Variants in MIA2 observed in about 807,000 individuals in gnomAD.
MIA2 encodes melanoma inhibitory activity protein 2.
In MIA2, 127 loss-of-function variants were observed where a neutral mutation model predicts 167.8. The observed-to-expected ratio is 0.76, with a 90% CI of 0.66 to 0.88. MIA2 has a LOEUF of 0.88. MIA2 is among the 40% of genes least tolerant of loss of function. The probability of loss-of-function intolerance (pLI) is 0.00; values close to 1 mark genes in which losing one functional copy is unlikely to be tolerated. For missense variants in MIA2, 1,690 were observed against 1,624.7 expected, an observed-to-expected ratio of 1.04 and a Z score of -0.69; for synonymous variants, 552 against 541.9, an observed-to-expected ratio of 1.02 and a Z score of -0.26.
At chr14:39,267,268 G>A in intron 6 of MIA2, 1 of 1,426,682 alleles carries the variant, frequency 7.0e-7, no homozygotes, top group African/African-American at 1.4e-5. Context: ...GGTCGGGATG[G>A]GCAGCGTAGG....
chr14:39,313,465 T>C, intron 19 of MIA2, 24 bp downstream of exon 19: 1 of 1,380,644 alleles, frequency 7.2e-7, no homozygotes, highest in Non-Finnish European at 9.9e-7. Context: ...TTTTCTGGTT[T>C]CTTTTTTGGA....
intron 23 of MIA2, among the ~76,000 whole-genome samples, chr14:39,382,662 A>G (rs1046125280): frequency 1.3e-5 from 2 of 152,222 alleles, no homozygotes; most frequent in African/African-American, 4.8e-5. Flanking sequence ...AGGTGAACAT[A>G]GAGTGGAGAT....
intron 2 of MIA2, 107 bp downstream of exon 2, chr14:39,237,162 C>T (rs762850407): frequency 1.6e-6 from 2 of 1,286,660 alleles, no homozygotes; most frequent in South Asian, 1.3e-5. Context: ...GCTCTGTCGC[C>T]CAGGCTGGAA....
intron 23 of MIA2, among the ~76,000 whole-genome samples, chr14:39,365,660 T>TATCTATC (rs2074806077): frequency 5.8e-5 from 2 of 34,192 alleles, no homozygotes; most frequent in South Asian, 1.3e-3. Context: ...CCTATCTATC[T>TATCTATC]ATCTATCTAT....
At chr14:39,359,800 A>T (rs1388782015) in intron 23 of MIA2, among the ~76,000 whole-genome samples, 4 of 152,200 alleles carry the variant, frequency 2.6e-5, no homozygotes, top group Admixed American at 2.6e-4. Flanking sequence ...ACACAAGTGC[A>T]GGCCTTCCTT....
chr14:39,352,783 A>G (rs1322980763), downstream of MIA2, among the ~76,000 whole-genome samples: 2 of 152,212 alleles, frequency 1.3e-5, no homozygotes, highest in Non-Finnish European at 2.9e-5. Context: ...TGTTGTACAC[A>G]GAATGATATT....
chr14:39,348,885 TC>T lies in MIA2; in HGVS notation c.3986del (p.Pro1329HisfsTer30), dbSNP rs780386330. The part of the protein sequence containing the change: ...RGPFLRRGPP[F>X]PPPPPGAMFG... ...CCATTCTTGAGAAGAGGACCTCCTT[TC>T]CCCCCACCTCCTCCAGGAGCCATGT... On this transcript the variant is annotated frameshift_variant, in exon 28 of 29. Transcript: ENST00000640607. LOFTEE classifies it high-confidence loss of function. 5.6e-6 allele frequency: 9 copies of T among 1,613,808 alleles called. No individual in the cohort carries two copies. The highest frequency in any genetic ancestry group is 5.3e-5 in the African/African-American group (4 of 74,838).
In MIA2 at chr14:39,282,516, A is replaced by G. The variant is rs573574475; in HGVS notation, c.2130+2979A>G. On this transcript the variant is annotated intron_variant, in intron 9 of 28. Coordinates refer to ENST00000640607, the MANE Select transcript of MIA2 (RefSeq NM_001329214.4). ...ACAAAAATCATGAATGCAGTACACT[A>G]TTATTAACTATGGATCTCATGTTGT... is the stretch of plus-strand genomic sequence containing the variant. Among the ~76,000 whole-genome samples the G allele has an allele frequency of 4.6e-5, 7 of 152,248 alleles. No individual in the cohort carries two copies. The East Asian group carries it at 5.8e-4, about 13-fold the overall frequency.
intron 25 of MIA2, among the ~76,000 whole-genome samples, chr14:39,333,222 A>G (rs1051868410): frequency 3.9e-5 from 6 of 152,106 alleles, no homozygotes; most frequent in African/African-American, 1.4e-4. Context: ...ATGAGTTTGT[A>G]TTGGATACTA....
At chr14:39,281,933 T>C (rs531119806) in intron 9 of MIA2, among the ~76,000 whole-genome samples, 16 of 152,262 alleles carry the variant, frequency 1.1e-4, no homozygotes, top group East Asian at 1.9e-4. Flanking sequence ...TGCTCTCTTA[T>C]TTTATTTATT....
chr14:39,250,695 C>CA (rs575257262), intron 4 of MIA2, among the ~76,000 whole-genome samples: 25 of 99,400 alleles, frequency 2.5e-4, no homozygotes, highest in East Asian at 8.4e-4. Context: ...GACTCAGTCT[C>CA]AAAAAAAAAT....
At chr14:39,297,105 T>G (rs2061537663) in intron 13 of MIA2, among the ~76,000 whole-genome samples, 1 of 148,324 alleles carries the variant, frequency 6.7e-6, no homozygotes, top group South Asian at 2.1e-4. Context: ...AGGATATATA[T>G]TTTTTTTGTG....
intron 14 of MIA2, among the ~76,000 whole-genome samples, chr14:39,301,011 CAT>C (rs1566819636): frequency 6.7e-6 from 1 of 149,094 alleles, no homozygotes; most frequent in African/African-American, 2.5e-5. Flanking sequence ...CATATATACA[CAT>C]ATATACACAC....
At chr14:39,254,897 C>T (rs532587714) in intron 6 of MIA2, among the ~76,000 whole-genome samples, 6 of 152,166 alleles carry the variant, frequency 3.9e-5, no homozygotes, top group South Asian at 2.1e-4. Flanking sequence ...TAGACAGAAT[C>T]GTTGGATTTA....
chr14:39,286,541 C>T (rs2059817802), intron 9 of MIA2, among the ~76,000 whole-genome samples: 1 of 152,088 alleles, frequency 6.6e-6, no homozygotes, highest in Non-Finnish European at 1.5e-5. Flanking sequence ...GATATTATAT[C>T]CTGCATCTTT....
chr14:39,380,877 A>G (rs901238549), intron 23 of MIA2, among the ~76,000 whole-genome samples: 1 of 152,082 alleles, frequency 6.6e-6, no homozygotes, highest in South Asian at 2.1e-4. Context: ...GAAAGATATC[A>G]TGGGCCTATT....
intron 23 of MIA2, among the ~76,000 whole-genome samples, chr14:39,380,505 C>T (rs552334440): frequency 2.2e-4 from 33 of 151,920 alleles, no homozygotes; most frequent in Non-Finnish European, 4.3e-4. Flanking sequence ...GCATCCTGGC[C>T]AACATGGTGA....
At chr14:39,257,987 C>T (rs1037020339) in intron 6 of MIA2, among the ~76,000 whole-genome samples, 13 of 152,312 alleles carry the variant, frequency 8.5e-5, no homozygotes, top group African/African-American at 2.9e-4. Context: ...TTGTAGGTAA[C>T]CTGACCTTTC....
At chr14:39,303,774 A>G (rs900783226) in intron 16 of MIA2, among the ~76,000 whole-genome samples, 2 of 152,080 alleles carry the variant, frequency 1.3e-5, no homozygotes, top group Non-Finnish European at 2.9e-5. Context: ...GACTATATTT[A>G]AAATGTTTCC....
Sources: allele counts gnomAD v4.1 joint callset (sites outside exome capture counted in the v4.1 genomes callset), GRCh38; gene constraint gnomAD v4.1.1; transcripts MANE v1.5; gene names NCBI Gene and HGNC (gene_info 2026-07-23, HGNC 2026-07-21).